TMEM94: variants seen among roughly 807,000 people sequenced by gnomAD.
TMEM94 encodes transmembrane protein 94.
In TMEM94, 81 loss-of-function variants were observed where a neutral mutation model predicts 158.6. That is an observed-to-expected ratio of 0.51 (90% CI 0.43 to 0.61). The LOEUF (loss-of-function observed/expected upper bound fraction) is 0.61, where lower values mean the gene tolerates loss of function less well. Ranked by LOEUF, TMEM94 falls within the 20% of genes least tolerant of loss-of-function variation. The pLI is 0.00. For missense variants in TMEM94, 1,435 were observed against 1,762.0 expected (o/e 0.81, Z 3.32); for synonymous variants, 751 against 730.7 (o/e 1.03, Z -0.45).
chr17:75,460,581 A>G (rs1290027161), intron 1 of TMEM94, among the ~76,000 whole-genome samples: 1 of 146,558 alleles, frequency 6.8e-6, no homozygotes, highest in Admixed American at 6.8e-5. Context: ...TGGTGTGATT[A>G]CGGCTTACGG....
chr17:75,484,567 TC>T (rs2051432687), intron 2 of TMEM94, among the ~76,000 whole-genome samples: 1 of 151,850 alleles, frequency 6.6e-6, no homozygotes, highest in Non-Finnish European at 1.5e-5. Flanking sequence ...ATTTTTTCTT[TC>T]TGATTTTTTG....
chr17:75,486,705 A>G (rs1278174531), intron 5 of TMEM94, among the ~76,000 whole-genome samples: 1 of 152,178 alleles, frequency 6.6e-6, no homozygotes, highest in Admixed American at 6.5e-5. Flanking sequence ...ACCAACAGGG[A>G]AGTCCTCTCA....
intron 1 of TMEM94, among the ~76,000 whole-genome samples, chr17:75,465,052 T>C (rs1225888483): frequency 6.6e-6 from 1 of 151,750 alleles, no homozygotes; most frequent in East Asian, 1.9e-4. Flanking sequence ...CAGGCTGGAG[T>C]GTAGTGGCGT....
At chr17:75,490,059 C>T (rs1432055274) in intron 9 of TMEM94, 175 bp from the exon 10 acceptor site, 64 of 879,804 alleles carry the variant, frequency 7.3e-5, no homozygotes, top group African/African-American at 6.7e-4. Context: ...AGCCTGGCGA[C>T]GGAGCAAGAC....
chr17:75,499,170 C>T, intron 31 of TMEM94, 88 bp downstream of exon 31: 2 of 1,588,354 alleles, frequency 1.3e-6, no homozygotes, highest in Non-Finnish European at 1.7e-6. Flanking sequence ...CACCTTTCCG[C>T]TGCCCATCCC....
intron 1 of TMEM94, among the ~76,000 whole-genome samples, chr17:75,467,529 T>C (rs1479130788): frequency 7.2e-6 from 1 of 139,654 alleles, no homozygotes; most frequent in Non-Finnish European, 1.6e-5. Flanking sequence ...TCTTTTTTTT[T>C]TTTTTTTTTT....
rs1300499959 is a variant in TMEM94 at position 75,486,273 on chromosome 17, C to T, written c.273-17C>T. ...CCCTCACTCCCTGTGGGTGCGGCCT[C>T]TCTTTCCTCCCACCAGCCGTGGGGT... is the stretch of plus-strand genomic sequence containing the variant. On this transcript the variant is annotated splice_polypyrimidine_tract_variant and intron_variant, in intron 4 of 31. Coordinates refer to ENST00000314256, the MANE Select transcript of TMEM94 (RefSeq NM_014738.6). 2 of 1,613,820 alleles carry T rather than the reference C, an allele frequency of 1.2e-6. No individual in the cohort carries two copies. Among genetic ancestry groups the T allele is most frequent in the Non-Finnish European group, 1.7e-6 (2 of 1,179,784 alleles).
At chr17:75,486,527 G>A in intron 5 of TMEM94, 101 bp downstream of exon 5, 1 of 1,430,760 alleles carries the variant, frequency 7.0e-7, no homozygotes, top group East Asian at 2.3e-5. Context: ...GTTGCCTGTG[G>A]CCAGCATTGC....
intron 31 of TMEM94, 89 bp from the exon 32 acceptor site, chr17:75,499,172 GC>G: frequency 6.3e-7 from 1 of 1,590,998 alleles, no homozygotes; most frequent in Non-Finnish European, 8.6e-7. Flanking sequence ...CCTTTCCGCT[GC>G]CCATCCCTCC....
chr17:75,488,025 C>A lies in TMEM94; in HGVS notation c.503C>A (p.Ala168Asp). The A allele has an allele frequency of 6.2e-7, 1 of 1,614,160 alleles. No homozygotes were observed. Among genetic ancestry groups the A allele is most frequent in the Non-Finnish European group, 8.5e-7 (1 of 1,180,002 alleles). The change falls in exon 6 of 32, where the codon GCC becomes GAC. Residue 168 changes from alanine to aspartate, a missense_variant. Ala to Asp is a moderately radical substitution (Grantham distance 126). This residue lies in a region of TMEM94 where 1,051 missense variants were observed against 1,254.4 expected (regional missense o/e 0.84). Coordinates refer to ENST00000314256, the MANE Select transcript of TMEM94 (RefSeq NM_014738.6). ...GCGCCATCCTGGTCCTTGCACTGGG[C>A]CTACAGAGACGGACACCTGGTCAAC... ...PFAPSWSLHWAYRDGHLVNLP... is the reference protein window; with the variant it reads ...PFAPSWSLHWDYRDGHLVNLP...
intron 1 of TMEM94, among the ~76,000 whole-genome samples, chr17:75,463,072 A>G (rs2050149124): frequency 1.1e-4 from 3 of 27,078 alleles, no homozygotes; most frequent in African/African-American, 5.2e-4. Flanking sequence ...ATATATATAT[A>G]TATATATACA....
chr17:75,463,494 A>G (rs376783465), intron 1 of TMEM94, among the ~76,000 whole-genome samples: 7 of 152,104 alleles, frequency 4.6e-5, no homozygotes, highest in African/African-American at 1.7e-4. Flanking sequence ...GCAACTGAAC[A>G]AGATATTCCA....
At position 75,489,019 on chromosome 17, in the gene TMEM94, C is replaced by CA; in HGVS notation, c.764+110dup. ...ATCTCGAGGTTCTCTTGAGGGCAGGCATCTCCTTAGGCTCCTGTCCTTAAC... is the reference window on the plus strand; with the variant it reads ...ATCTCGAGGTTCTCTTGAGGGCAGGCAATCTCCTTAGGCTCCTGTCCTTAAC... On this transcript the variant is annotated intron_variant, in intron 7 of 31. Transcript: ENST00000314256. This position sits in a 1 kb window ranked among gnomAD's most constrained non-coding sequence, Gnocchi z 5.0. The CA allele has an allele frequency of 3.3e-6, 4 of 1,208,708 alleles. No homozygotes were observed. Among genetic ancestry groups the CA allele is most frequent in the Non-Finnish European group, 4.7e-6 (4 of 855,450 alleles). The allele number at this position is 1,208,708 out of a possible 1,614,324, so 74.9% of individuals were successfully genotyped here.
chr17:75,484,770 C>A (rs566089871), intron 2 of TMEM94, among the ~76,000 whole-genome samples: 1 of 152,140 alleles, frequency 6.6e-6, no homozygotes, highest in East Asian at 2.0e-4. Flanking sequence ...GGCACAGTGG[C>A]TCACGCCAGT....
At chr17:75,493,365 C>A in intron 16 of TMEM94, 126 bp from the exon 17 acceptor site, 1 of 978,860 alleles carries the variant, frequency 1.0e-6, no homozygotes, top group Non-Finnish European at 1.6e-6. Flanking sequence ...GTCCGTGAGT[C>A]CCAGGGAGTC....
rs1567982265 is a variant in TMEM94, at chr17:75,498,502, CAG to C, written c.3699_3700del (p.Lys1234AlafsTer91). On this transcript the variant is annotated frameshift_variant, in exon 29 of 32. Coordinates refer to ENST00000314256, the MANE Select transcript of TMEM94 (RefSeq NM_014738.6). LOFTEE classifies it high-confidence loss of function. This position sits in a 1 kb window ranked among gnomAD's most constrained non-coding sequence, Gnocchi z 6.7. ...EDFANGLLSA[Q>X]KLTAALIVLH... ...CTTTGCCAATGGACTGCTGTCGGCT[CAG>C]AAGCTCACGGCCGCCCTGATTGTCC... 1 of 1,597,810 alleles carries C rather than the reference CAG, an allele frequency of 6.3e-7. No individual in the cohort carries two copies.
rs368065694 is a variant in TMEM94 at position 75,495,062 on chromosome 17, G to A, written c.2728+28G>A. 9.2e-5 allele frequency: 148 copies of A among 1,604,302 alleles called. No individual in the cohort carries two copies. Among genetic ancestry groups the A allele is most frequent in the African/African-American group, 5.1e-4 (38 of 74,866 alleles). On this transcript the variant is annotated intron_variant, in intron 20 of 31. Transcript: ENST00000314256. This position sits in a 1 kb window ranked among gnomAD's most constrained non-coding sequence, Gnocchi z 5.6. ...AAGGGCAAAGGCGTGGGGTGGGGACGGGGTGGCGGTGGGAGGATTCCCCTC... is the reference window on the plus strand; with the variant it reads ...AAGGGCAAAGGCGTGGGGTGGGGACAGGGTGGCGGTGGGAGGATTCCCCTC...
In TMEM94 at chr17:75,485,830, G is replaced by C. The variant is rs2051547985; in HGVS notation, c.145-41G>C. 1 of 1,579,534 alleles carries C rather than the reference G, an allele frequency of 6.3e-7. No homozygotes were observed. Among genetic ancestry groups the C allele is most frequent in the African/African-American group, 1.3e-5 (1 of 74,466 alleles). Reference sequence around the variant, plus strand: ...GGGGGAGGCAGCCAGATTGGAGTGGGACAGGCCTCTCATTGTCCCCTCCCT... The same window carrying C: ...GGGGGAGGCAGCCAGATTGGAGTGGCACAGGCCTCTCATTGTCCCCTCCCT... On this transcript the variant is annotated intron_variant, in intron 3 of 31. Transcript: ENST00000314256. The surrounding 1 kb of genome is among the most constrained non-coding windows in gnomAD (Gnocchi z 5.5).
intron 2 of TMEM94, among the ~76,000 whole-genome samples, chr17:75,483,577 A>G (rs774152514): frequency 1.3e-5 from 2 of 150,792 alleles, no homozygotes; most frequent in African/African-American, 2.4e-5. Context: ...CTCATGCCTC[A>G]GCCACCCAAG....
Sources: gnomAD v4.1 joint callset for allele counts (sites outside exome capture counted in the v4.1 genomes callset) on GRCh38, gnomAD v4.1.1 for gene constraint, gnomAD v4.1.1 regional missense constraint, Gnocchi (gnomAD v3.1) non-coding constraint, MANE v1.5 for transcripts, NCBI Gene and HGNC (gene_info 2026-07-23, HGNC 2026-07-21) for gene names.